Variants in MTCL3 observed in about 807,000 individuals in gnomAD.
The protein encoded by MTCL3 is microtubule cross-linking factor 3.
chr6:127,512,268 T>C, the MTCL3 span, among the ~76,000 whole-genome samples: 1 of 151,946 alleles, frequency 6.6e-6, no homozygotes, highest in Non-Finnish European at 1.5e-5. Flanking sequence ...ATAACTAAGA[T>C]GAGCTGGCTA....
At chr6:127,513,302 G>A in the MTCL3 span, among the ~76,000 whole-genome samples, 1 of 152,124 alleles carries the variant, frequency 6.6e-6, no homozygotes, top group Non-Finnish European at 1.5e-5. Flanking sequence ...AGAGGTCAAG[G>A]TCACACAGCT....
chr6:127,502,993 T>C, the MTCL3 span, among the ~76,000 whole-genome samples: 1 of 152,218 alleles, frequency 6.6e-6, no homozygotes, highest in Non-Finnish European at 1.5e-5. Context: ...AAATAGATTT[T>C]TCCCTACAGC....
chr6:127,514,900 C>T, the MTCL3 span: 2 of 1,614,114 alleles, frequency 1.2e-6, no homozygotes, highest in Non-Finnish European at 1.7e-6. Context: ...CTTTTGCGCT[C>T]GGCTTTGCGG....
chr6:127,510,836 C>T, the MTCL3 span, among the ~76,000 whole-genome samples: 1 of 152,272 alleles, frequency 6.6e-6, no homozygotes, highest in East Asian at 1.9e-4. Context: ...TCTCCTTCTA[C>T]CCTCCCTGTC....
chr6:127,515,342 A>G, the MTCL3 span, among the ~76,000 whole-genome samples: 1 of 152,108 alleles, frequency 6.6e-6, no homozygotes, highest in African/African-American at 2.4e-5. This position sits in a 1 kb window ranked among gnomAD's most constrained non-coding sequence, Gnocchi z 4.3. Context: ...CGTTACTGAG[A>G]GCAGATTCAA....
chr6:127,518,379 A>G, the MTCL3 span, among the ~76,000 whole-genome samples: 4 of 152,240 alleles, frequency 2.6e-5, no homozygotes, highest in African/African-American at 7.2e-5. Flanking sequence ...GGGCTCCACA[A>G]TCAAAGGTAT....
At chr6:127,492,402 A>T in the MTCL3 span, among the ~76,000 whole-genome samples, 8 of 152,226 alleles carry the variant, frequency 5.3e-5, no homozygotes, top group Non-Finnish European at 4.4e-5. Flanking sequence ...AAAGCGAAAA[A>T]AAAAGAATGT....
the MTCL3 span, chr6:127,475,260 C>G: frequency 1.9e-6 from 3 of 1,551,030 alleles, no homozygotes; most frequent in East Asian, 6.8e-5. The surrounding 1 kb of genome is among the most constrained non-coding windows in gnomAD (Gnocchi z 7.3). Context: ...CCAGCCTGGC[C>G]ACCGCCGTGG....
At chr6:127,511,328 C>G in the MTCL3 span, among the ~76,000 whole-genome samples, 95 of 152,322 alleles carry the variant, frequency 6.2e-4, no homozygotes, top group African/African-American at 2.1e-3. Context: ...CAGTTACCTA[C>G]TTTACTTTTT....
At chr6:127,511,435 T>A in the MTCL3 span, among the ~76,000 whole-genome samples, 1 of 152,160 alleles carries the variant, frequency 6.6e-6, no homozygotes, top group Non-Finnish European at 1.5e-5. Context: ...ATATTTGATC[T>A]TTTAACTTTA....
At chr6:127,508,528 T>A in the MTCL3 span, among the ~76,000 whole-genome samples, 1 of 152,190 alleles carries the variant, frequency 6.6e-6, no homozygotes, top group African/African-American at 2.4e-5. Context: ...ATGGTGCTAT[T>A]TCAGTAGGCC....
At chr6:127,515,633 C>T in the MTCL3 span, 3 of 1,421,108 alleles carry the variant, frequency 2.1e-6, no homozygotes, top group Non-Finnish European at 1.8e-6. This position sits in a 1 kb window ranked among gnomAD's most constrained non-coding sequence, Gnocchi z 4.3. Flanking sequence ...ATGCCCCCGC[C>T]GCTCGCGCTG....
At chr6:127,506,897 T>G in the MTCL3 span, among the ~76,000 whole-genome samples, 1 of 151,990 alleles carries the variant, frequency 6.6e-6, no homozygotes, top group African/African-American at 2.4e-5. Flanking sequence ...CCTTTTAAGG[T>G]AGGTTGGATA....
chr6:127,501,597 T>C, the MTCL3 span, among the ~76,000 whole-genome samples: 2 of 152,214 alleles, frequency 1.3e-5, no homozygotes, highest in Non-Finnish European at 2.9e-5. Flanking sequence ...CCATGATTAA[T>C]TGGCTACACA....
the MTCL3 span, among the ~76,000 whole-genome samples, chr6:127,474,280 A>G: frequency 6.6e-6 from 1 of 151,982 alleles, no homozygotes; most frequent in African/African-American, 2.4e-5. Flanking sequence ...ATTTAATTAA[A>G]TTAATTTTTT....
At chr6:127,507,673 C>T in the MTCL3 span, among the ~76,000 whole-genome samples, 1 of 151,856 alleles carries the variant, frequency 6.6e-6, no homozygotes, top group Admixed American at 6.6e-5. Flanking sequence ...GAAACCCTGT[C>T]TCTACTAAAA....
chr6:127,515,369 G>A, the MTCL3 span: 1 of 828,684 alleles, frequency 1.2e-6, no homozygotes, highest in East Asian at 2.8e-5. This position sits in a 1 kb window ranked among gnomAD's most constrained non-coding sequence, Gnocchi z 4.3. Flanking sequence ...GCAAGGCCTA[G>A]GAAACCCCCT....
chr6:127,483,217 A>G, the MTCL3 span, among the ~76,000 whole-genome samples: 1 of 152,248 alleles, frequency 6.6e-6, no homozygotes, highest in Non-Finnish European at 1.5e-5. Flanking sequence ...AATTTGAGAA[A>G]TACAGGAAAC....
the MTCL3 span, chr6:127,512,816 G>C: frequency 7.2e-7 from 1 of 1,389,282 alleles, no homozygotes; most frequent in Non-Finnish European, 9.6e-7. Context: ...TTTTTTAACA[G>C]TCATATTAGT....
Sources: allele counts gnomAD v4.1 joint callset (sites outside exome capture counted in the v4.1 genomes callset), GRCh38; gene constraint gnomAD v4.1.1; non-coding constraint Gnocchi (gnomAD v3.1); transcripts MANE v1.5; gene names NCBI Gene and HGNC (gene_info 2026-07-23, HGNC 2026-07-21).